The following DLG2 variants were observed in gnomAD, a reference collection of about 807,000 sequenced individuals.
DLG2 encodes discs large MAGUK scaffold protein 2, also known as disks large homolog 2.
A neutral mutation model predicts 132.5 loss-of-function variants in DLG2; 45 were observed. The ratio of observed to expected loss-of-function variants is 0.34; its 90% CI spans 0.27 to 0.44. DLG2 has a LOEUF of 0.44. Ranked by LOEUF, DLG2 falls within the 20% of genes least tolerant of loss-of-function variation. DLG2 has a pLI of 1.00. For missense variants in DLG2, 1,045 were observed against 1,196.9 expected (o/e 0.87, Z 1.87); for synonymous variants, 424 against 419.6 (o/e 1.01, Z -0.13).
intron 19 of DLG2, among the ~76,000 whole-genome samples, chr11:83,553,494 G>A (rs947556776): frequency 8.7e-5 from 7 of 80,688 alleles, no homozygotes; most frequent in East Asian, 1.1e-3. Flanking sequence ...GTGTGTGTGT[G>A]TGTGTGTGTG....
At chr11:84,453,392 G>T (rs1410575925) in intron 7 of DLG2, among the ~76,000 whole-genome samples, 4 of 151,642 alleles carry the variant, frequency 2.6e-5, no homozygotes, top group Non-Finnish European at 5.9e-5. Context: ...AATGGAACTG[G>T]TTATAAAGAA....
At chr11:83,837,980 T>A (rs989072958) in intron 16 of DLG2, among the ~76,000 whole-genome samples, 1 of 152,098 alleles carries the variant, frequency 6.6e-6, no homozygotes, top group African/African-American at 2.4e-5. Flanking sequence ...ATCTCCCCCT[T>A]TCCCCAGAAT....
chr11:83,931,679 T>C (rs2080252243), intron 14 of DLG2, among the ~76,000 whole-genome samples: 1 of 152,240 alleles, frequency 6.6e-6, no homozygotes, highest in African/African-American at 2.4e-5. Flanking sequence ...CTGTATTTTG[T>C]CCAGGGTTGA....
At position 85,132,635 on chromosome 11, in the gene DLG2, T is replaced by G. The variant is rs187892045; in HGVS notation, c.283-20900A>C. 7.3e-4 allele frequency: 295 copies of G among 405,070 alleles called. 1 individual carries two copies. Among genetic ancestry groups the G allele is most frequent in the African/African-American group, 5.7e-3 (279 of 49,172 alleles). 25.1% of individuals were successfully genotyped at this position (405,070 alleles called of 1,614,324 possible). On this transcript the variant is annotated intron_variant, in intron 5 of 27. Transcript: ENST00000376104. ...CCCCCCAGACCCTCAGGGAACAAAATGCCCAGCAAAGTAAATTATACTAAT... is the reference window on the plus strand; with the variant it reads ...CCCCCCAGACCCTCAGGGAACAAAAGGCCCAGCAAAGTAAATTATACTAAT...
At chr11:84,415,998 T>G (rs973654328) in intron 7 of DLG2, among the ~76,000 whole-genome samples, 14 of 152,092 alleles carry the variant, frequency 9.2e-5, no homozygotes, top group Admixed American at 5.2e-4. Context: ...CTATTTTGGG[T>G]TTTTGCAAAC....
intron 7 of DLG2, among the ~76,000 whole-genome samples, chr11:84,511,662 A>C (rs1026732083): frequency 6.6e-6 from 1 of 152,208 alleles, no homozygotes; most frequent in African/African-American, 2.4e-5. Context: ...CATCAAAAAC[A>C]ATCTTAAATG....
At chr11:84,215,490 C>A (rs2096824135) in intron 8 of DLG2, among the ~76,000 whole-genome samples, 1 of 151,864 alleles carries the variant, frequency 6.6e-6, no homozygotes, top group African/African-American at 2.4e-5. Flanking sequence ...AGGCTGTTAA[C>A]AAAGAGCTGG....
intron 3 of DLG2, among the ~76,000 whole-genome samples, chr11:85,495,883 T>C (rs2093658051): frequency 6.6e-6 from 1 of 152,308 alleles, no homozygotes; most frequent in South Asian, 2.1e-4. Context: ...CGAACCCAAA[T>C]GCCCATCAGT....
At chr11:84,774,036 C>G (rs1396557846) in intron 6 of DLG2, among the ~76,000 whole-genome samples, 1 of 152,038 alleles carries the variant, frequency 6.6e-6, no homozygotes, top group East Asian at 1.9e-4. Flanking sequence ...CAGGAATACC[C>G]TAAAGATTTC....
At chr11:84,070,112 T>C (rs560881932) in intron 10 of DLG2, among the ~76,000 whole-genome samples, 10 of 152,338 alleles carry the variant, frequency 6.6e-5, no homozygotes, top group South Asian at 6.2e-4. Context: ...ATTTCCCCTC[T>C]AAATTCAAGA....
intron 6 of DLG2, among the ~76,000 whole-genome samples, chr11:85,000,434 C>T (rs2058105560): frequency 6.6e-6 from 1 of 152,070 alleles, no homozygotes; most frequent in African/African-American, 2.4e-5. Flanking sequence ...TAAATCCTAG[C>T]CTTCCAATTT....
At chr11:85,533,029 T>C (rs933301529) in intron 3 of DLG2, among the ~76,000 whole-genome samples, 1 of 152,152 alleles carries the variant, frequency 6.6e-6, no homozygotes, top group African/African-American at 2.4e-5. Context: ...GTTGTTGTTG[T>C]TGTTGTTGTT....
intron 7 of DLG2, among the ~76,000 whole-genome samples, chr11:84,322,877 A>G (rs2098412235): frequency 6.6e-6 from 1 of 152,224 alleles, no homozygotes; most frequent in African/African-American, 2.4e-5. Context: ...GGAGTGAGCC[A>G]CCACGCCCAG....
At chr11:85,086,223 T>C (rs2067904227) in intron 6 of DLG2, among the ~76,000 whole-genome samples, 1 of 152,160 alleles carries the variant, frequency 6.6e-6, no homozygotes, top group Non-Finnish European at 1.5e-5. Flanking sequence ...CCATCCATCA[T>C]AATCAATTTG....
chr11:84,752,560 TTTTC>T (rs1240024837), intron 6 of DLG2, among the ~76,000 whole-genome samples: 4 of 139,182 alleles, frequency 2.9e-5, no homozygotes, highest in Non-Finnish European at 3.2e-5. Context: ...TTGGTTTTCT[TTTTC>T]TTTTTTTTTT....
intron 17 of DLG2, among the ~76,000 whole-genome samples, chr11:83,807,581 A>AG (rs1180913216): frequency 6.6e-6 from 1 of 152,160 alleles, no homozygotes; most frequent in East Asian, 1.9e-4. Flanking sequence ...AATAGGAAGG[A>AG]GGGGAAAAGC....
At chr11:83,586,935 G>A (rs940938111) in intron 19 of DLG2, among the ~76,000 whole-genome samples, 1 of 152,160 alleles carries the variant, frequency 6.6e-6, no homozygotes, top group East Asian at 1.9e-4. Flanking sequence ...CAGAGCAATG[G>A]CCACAGAAGC....
intron 3 of DLG2, among the ~76,000 whole-genome samples, chr11:85,526,385 T>C (rs1458697371): frequency 6.6e-6 from 1 of 151,792 alleles, no homozygotes; most frequent in Non-Finnish European, 1.5e-5. Context: ...AAGACAGTAG[T>C]GCAACATCTT....
At chr11:83,998,709 G>A (rs999331917) in intron 11 of DLG2, among the ~76,000 whole-genome samples, 1 of 152,110 alleles carries the variant, frequency 6.6e-6, no homozygotes, top group Non-Finnish European at 1.5e-5. Flanking sequence ...TCCAAGAAGG[G>A]AGGTTGCACT....
Sources: gnomAD v4.1 joint callset for allele counts (sites outside exome capture counted in the v4.1 genomes callset) on GRCh38, gnomAD v4.1.1 for gene constraint, MANE v1.5 for transcripts, NCBI Gene and HGNC (gene_info 2026-07-23, HGNC 2026-07-21) for gene names.